The following DTWD2 variants were observed in gnomAD, a reference collection of about 807,000 sequenced individuals.
The protein encoded by DTWD2 is DTW motif tRNA-uridine aminocarboxypropyltransferase 2.
A neutral mutation model predicts 31.8 loss-of-function variants in DTWD2; 39 were observed. The ratio of observed to expected loss-of-function variants is 1.22; its 90% CI spans 0.95 to 1.60. The LOEUF (loss-of-function observed/expected upper bound fraction) is 1.60, where lower values mean the gene tolerates loss of function less well. Among genes scored for constraint, DTWD2 ranks in the 40% most tolerant of loss-of-function variants. The probability of loss-of-function intolerance (pLI) is 0.00; values close to 1 mark genes in which losing one functional copy is unlikely to be tolerated. For missense variants in DTWD2, 515 were observed against 381.5 expected, an observed-to-expected ratio of 1.35 and a Z score of -2.92; for synonymous variants, 180 against 142.8, an observed-to-expected ratio of 1.26 and a Z score of -1.86.
intron 4 of DTWD2, among the ~76,000 whole-genome samples, chr5:118,896,584 T>C (rs1406252517): frequency 6.6e-6 from 1 of 151,692 alleles, no homozygotes. Context: ...GAATGAAAAA[T>C]AAATTCCTTA....
At chr5:118,884,843 T>G (rs1475483401) in intron 4 of DTWD2, among the ~76,000 whole-genome samples, 1 of 148,052 alleles carries the variant, frequency 6.8e-6, no homozygotes, top group African/African-American at 2.5e-5. Flanking sequence ...GGCCTCTACT[T>G]AAAATACAAA....
chr5:118,882,188 C>T (rs1174327366), intron 4 of DTWD2, among the ~76,000 whole-genome samples: 1 of 152,198 alleles, frequency 6.6e-6, no homozygotes, highest in Non-Finnish European at 1.5e-5. Context: ...GCATGCAAGT[C>T]CAAAACCCAG....
chr5:118,909,050 G>A (rs558522454), intron 4 of DTWD2, among the ~76,000 whole-genome samples: 25 of 152,286 alleles, frequency 1.6e-4, no homozygotes, highest in Non-Finnish European at 2.5e-4. Context: ...TCCCTGACCC[G>A]AGTTCCCTTC....
chr5:118,842,016 A>G (rs1751726313), intron 5 of DTWD2, among the ~76,000 whole-genome samples: 1 of 152,180 alleles, frequency 6.6e-6, no homozygotes, highest in South Asian at 2.1e-4. Flanking sequence ...ATGAATTAAC[A>G]AATGTAGTAA....
chr5:118,854,933 C>T (rs1479987735), intron 4 of DTWD2, among the ~76,000 whole-genome samples: 1 of 151,874 alleles, frequency 6.6e-6, no homozygotes, highest in African/African-American at 2.4e-5. Context: ...TGGCTCACAC[C>T]TGTAATCTCA....
rs1755487296 is a variant in DTWD2, at chr5:118,988,434, C to A, written c.78G>T (p.Pro26=). ...CGCCCTCCCGCCGCTCCTTGTCGTT[C>A]GGCGTCTGAGAGCTTGAGGCCCCAG... ...RPSGASSSQT[P]NDKERREGGA... Residue 26 remains proline, a synonymous_variant, in exon 1 of 6, where the codon CCG becomes CCT. Transcript: ENST00000510708. 1.9e-6 allele frequency: 3 copies of A among 1,607,198 alleles called. No homozygotes were observed. Among genetic ancestry groups the A allele is most frequent in the Non-Finnish European group, 2.5e-6 (3 of 1,178,292 alleles).
At chr5:118,865,989 TGTC>T (rs1257676340) in intron 4 of DTWD2, among the ~76,000 whole-genome samples, 1 of 150,556 alleles carries the variant, frequency 6.6e-6, no homozygotes, top group Admixed American at 6.6e-5. Context: ...GAGGTACGTG[TGTC>T]TGCGTGTGTG....
chr5:118,985,871 C>T (rs964992769), intron 1 of DTWD2, among the ~76,000 whole-genome samples: 4 of 152,034 alleles, frequency 2.6e-5, no homozygotes, highest in African/African-American at 9.7e-5. Flanking sequence ...CGGTTCATTA[C>T]CTATAATTTG....
chr5:118,972,323 A>G (rs1755006021), intron 1 of DTWD2, among the ~76,000 whole-genome samples: 1 of 152,212 alleles, frequency 6.6e-6, no homozygotes, highest in Non-Finnish European at 1.5e-5. Flanking sequence ...ACAAACAATC[A>G]TCAGAGAATA....
chr5:118,941,740 T>C (rs1754207151), intron 2 of DTWD2, among the ~76,000 whole-genome samples: 1 of 152,238 alleles, frequency 6.6e-6, no homozygotes, highest in South Asian at 2.1e-4. Context: ...TCTAGATCCC[T>C]GAGGAATCGC....
intron 4 of DTWD2, among the ~76,000 whole-genome samples, chr5:118,916,530 T>C (rs1753581415): frequency 6.6e-6 from 1 of 152,008 alleles, no homozygotes; most frequent in Non-Finnish European, 1.5e-5. Flanking sequence ...CCAGGCATGG[T>C]GGCACATGCC....
chr5:118,866,980 C>T (rs1752395147), intron 4 of DTWD2, among the ~76,000 whole-genome samples: 1 of 151,290 alleles, frequency 6.6e-6, no homozygotes, highest in African/African-American at 2.4e-5. Context: ...GAAACACCAA[C>T]AAATACATTA....
chr5:118,847,528 T>C (rs1751886131), intron 5 of DTWD2, among the ~76,000 whole-genome samples: 1 of 152,160 alleles, frequency 6.6e-6, no homozygotes, highest in African/African-American at 2.4e-5. Flanking sequence ...TGATGATTAT[T>C]AATTATATAT....
At chr5:118,877,990 G>A (rs950439144) in intron 4 of DTWD2, among the ~76,000 whole-genome samples, 1 of 152,034 alleles carries the variant, frequency 6.6e-6, no homozygotes, top group African/African-American at 2.4e-5. Flanking sequence ...TAACTAGGGA[G>A]GTGAAAGATC....
chr5:118,868,247 T>C (rs1021764365), intron 4 of DTWD2, among the ~76,000 whole-genome samples: 5 of 151,650 alleles, frequency 3.3e-5, no homozygotes, highest in South Asian at 2.1e-4. Context: ...GCTTACACCA[T>C]ACACAAAAAA....
chr5:118,839,957 G>A lies in DTWD2; in HGVS notation c.*960C>T, dbSNP rs978757578. 6.6e-6 allele frequency: 1 copy of A among 151,920 alleles called. No individual in the cohort carries two copies. The highest frequency in any genetic ancestry group is 6.6e-5 in the Admixed American group (1 of 15,240). The allele number at this position is 151,920 out of a possible 1,614,324, so 9.4% of individuals were successfully genotyped here. The stretch of plus-strand genomic sequence containing the variant: ...GGAAACTCTAGAACTCATAAACAAA[G>A]ACTAAACAAAATCCCCTCTTCCTGC... On this transcript the variant is annotated 3_prime_UTR_variant, in exon 6 of 6. Transcript: ENST00000510708.
chr5:118,938,087 G>A (rs185979658), intron 3 of DTWD2, among the ~76,000 whole-genome samples: 165 of 152,158 alleles, frequency 1.1e-3, no homozygotes, highest in Non-Finnish European at 2.0e-3. Flanking sequence ...ATGCTTGGTG[G>A]GGAGAAACAT....
At chr5:118,853,326 AGAAATTAG>A (rs1202445546) in intron 4 of DTWD2, among the ~76,000 whole-genome samples, 1 of 152,218 alleles carries the variant, frequency 6.6e-6, no homozygotes, top group East Asian at 1.9e-4. Context: ...CAGCCTCTAT[AGAAATTAG>A]TTTAGAGATT....
At chr5:118,972,261 T>C (rs928350970) in intron 1 of DTWD2, among the ~76,000 whole-genome samples, 1 of 152,090 alleles carries the variant, frequency 6.6e-6, no homozygotes, top group African/African-American at 2.4e-5. Flanking sequence ...AAGAATCACA[T>C]AGACACAATC....
Sources: gnomAD v4.1 joint callset for allele counts (sites outside exome capture counted in the v4.1 genomes callset) on GRCh38, gnomAD v4.1.1 for gene constraint, MANE v1.5 for transcripts, NCBI Gene and HGNC (gene_info 2026-07-23, HGNC 2026-07-21) for gene names.